Variants in ST3GAL6 observed in about 807,000 individuals in gnomAD.
ST3GAL6 encodes the protein ST3 beta-galactoside alpha-2,3-sialyltransferase 6, also known as type 2 lactosamine alpha-2,3-sialyltransferase.
A neutral mutation model predicts 40.5 loss-of-function variants in ST3GAL6; 31 were observed. The ratio of observed to expected loss-of-function variants is 0.77; its 90% confidence interval spans 0.58 to 1.03. ST3GAL6 has a LOEUF of 1.03. Among genes scored for constraint, ST3GAL6 ranks in the 50% least tolerant of loss-of-function variants. ST3GAL6 has a pLI of 0.00. For missense variants in ST3GAL6, 357 were observed against 393.2 expected (o/e 0.91, Z 0.78); for synonymous variants, 129 against 136.9 (o/e 0.94, Z 0.40).
chr3:98,764,874 A>G lies in ST3GAL6; in HGVS notation c.-12+1435A>G, dbSNP rs201797402. ...TCTAATCAGTTGTTATTCATTGAGC[A>G]TTTACCACGTGCTAGGCATTTAGGG... On this transcript the variant is annotated intron_variant, in intron 1 of 9. Coordinates refer to ENST00000483910, the MANE Select transcript of ST3GAL6 (RefSeq NM_001323368.2). 1.3e-4 allele frequency among the ~76,000 whole-genome samples: 20 copies of G among 152,308 alleles called. 1 individual carries two copies. In the East Asian group the frequency reaches 3.7e-3, roughly 28 times the overall value.
intron 5 of ST3GAL6, among the ~76,000 whole-genome samples, chr3:98,777,624 A>G (rs16846347): frequency 0.18 from 26,748 of 152,140 alleles, 2,549 homozygotes; most frequent in African/African-American, 0.26. Context: ...GTCTTTACCA[A>G]TATTCTGCAT....
At chr3:98,751,367 A>G (rs1219208154) in intron 1 of ST3GAL6, among the ~76,000 whole-genome samples, 1 of 152,188 alleles carries the variant, frequency 6.6e-6, no homozygotes, top group Non-Finnish European at 1.5e-5. Context: ...CATGATCCAT[A>G]ATTTCTTTAG....
At chr3:98,755,316 G>T (rs1937338883) in intron 1 of ST3GAL6, among the ~76,000 whole-genome samples, 1 of 152,138 alleles carries the variant, frequency 6.6e-6, no homozygotes, top group Non-Finnish European at 1.5e-5. Flanking sequence ...ACAGTGCTGG[G>T]ATTACAGGTG....
In ST3GAL6 at chr3:98,751,770, G is replaced by T. The variant is rs139231246; in HGVS notation, c.-11-16660G>T. On this transcript the variant is annotated intron_variant, in intron 1 of 9. Coordinates refer to the ST3GAL6 transcript ENST00000265261. ...CTTTGCTGAAAGTCATAGTTTCCAA[G>T]AACTTATGAACAATAAGTGAGGATT... Among the ~76,000 whole-genome samples, 3 of 152,270 alleles carry T rather than the reference G, an allele frequency of 2.0e-5. No homozygotes were observed. The East Asian group carries it at 5.8e-4, about 29-fold the overall frequency.
At position 98,794,961 on chromosome 3, in the gene ST3GAL6, T is replaced by A. The variant is rs1286307741; in HGVS notation, c.*1200T>A. On this transcript the variant is annotated 3_prime_UTR_variant, in exon 10 of 10. Coordinates refer to ENST00000483910, the MANE Select transcript of ST3GAL6 (RefSeq NM_001323368.2). The stretch of plus-strand genomic sequence containing the variant: ...TAAATGGTACAAAAAGAATATCTCA[T>A]TTTCCCATGATTAAAGCTAATCTTC... 6.6e-6 allele frequency: 1 copy of A among 152,138 alleles called. No individual in the cohort carries two copies. The highest frequency in any genetic ancestry group is 1.5e-5 in the Non-Finnish European group (1 of 68,032). 9.4% of individuals were successfully genotyped at this position (152,138 alleles called of 1,614,324 possible).
At chr3:98,750,820 G>A (rs1684972248) in intron 1 of ST3GAL6, among the ~76,000 whole-genome samples, 1 of 152,114 alleles carries the variant, frequency 6.6e-6, no homozygotes, top group Admixed American at 6.6e-5. Flanking sequence ...CTAGTACTGA[G>A]CTCAAACTTA....
intron 2 of ST3GAL6, 122 bp from the exon 3 acceptor site, chr3:98,770,757 T>C (rs529120981): frequency 4.0e-6 from 3 of 758,138 alleles, no homozygotes; most frequent in South Asian, 3.1e-5. Flanking sequence ...GTGCAGGGAG[T>C]ATTTTTGTTT....
chr3:98,753,573 G>C (rs1301552734), intron 1 of ST3GAL6, among the ~76,000 whole-genome samples: 2 of 152,178 alleles, frequency 1.3e-5, no homozygotes, highest in African/African-American at 4.8e-5. Context: ...GCTTCAAAGG[G>C]CTGGCTCACC....
intron 1 of ST3GAL6, among the ~76,000 whole-genome samples, chr3:98,745,797 A>C (rs1229849058): frequency 6.6e-6 from 1 of 152,198 alleles, no homozygotes; most frequent in Non-Finnish European, 1.5e-5. Flanking sequence ...TATATATTAT[A>C]TATAATGCAC....
chr3:98,792,673 ATTTTT>A (rs11305556), intron 9 of ST3GAL6, among the ~76,000 whole-genome samples: 2 of 132,962 alleles, frequency 1.5e-5, no homozygotes, highest in Admixed American at 7.5e-5. Context: ...CGACCGGCTA[ATTTTT>A]TTTTTTTTTT....
intron 1 of ST3GAL6, among the ~76,000 whole-genome samples, chr3:98,743,921 A>G: frequency 8.0e-6 from 1 of 124,928 alleles, no homozygotes; most frequent in African/African-American, 3.0e-5. Flanking sequence ...GCTCCAAGAG[A>G]TATTTAGAAG....
intron 5 of ST3GAL6, among the ~76,000 whole-genome samples, chr3:98,780,677 C>CT (rs1181088442): frequency 2.6e-5 from 4 of 152,180 alleles, no homozygotes; most frequent in Admixed American, 2.0e-4. Context: ...CTAGACCCCT[C>CT]TTTTTTCTTG....
intron 1 of ST3GAL6, among the ~76,000 whole-genome samples, chr3:98,747,899 G>A (rs1936685758): frequency 6.6e-6 from 1 of 152,152 alleles, no homozygotes; most frequent in Non-Finnish European, 1.5e-5. Flanking sequence ...GAGAGGAATG[G>A]GGGTAGGGAA....
intron 1 of ST3GAL6, among the ~76,000 whole-genome samples, chr3:98,747,644 A>G (rs3821358): frequency 0.28 from 42,485 of 152,096 alleles, 6,326 homozygotes; most frequent in Admixed American, 0.4. Context: ...TATTTGTTTG[A>G]TAGAATAGAG....
chr3:98,786,695 GT>G lies in ST3GAL6; in HGVS notation c.432-1338del, dbSNP rs1216662922. Among the ~76,000 whole-genome samples, 1,480 of 148,478 alleles carry G rather than the reference GT, an allele frequency of 1.0e-2. 38 individuals are homozygous for G. The highest frequency in any genetic ancestry group is 0.052 in the Admixed American group (778 of 14,942). On this transcript the variant is annotated intron_variant, in intron 6 of 9. Coordinates refer to ENST00000483910, the MANE Select transcript of ST3GAL6 (RefSeq NM_001323368.2). Reference sequence around the variant, plus strand: ...GTTATGCAATCAGGGTTTTTTTTTTGTTTGTTTTCTTCTTTTGAAAAGATTG... The same window carrying G: ...GTTATGCAATCAGGGTTTTTTTTTTGTTGTTTTCTTCTTTTGAAAAGATTG...
At chr3:98,735,583 A>G (rs1935473173) in intron 1 of ST3GAL6, among the ~76,000 whole-genome samples, 1 of 152,110 alleles carries the variant, frequency 6.6e-6, no homozygotes, top group Non-Finnish European at 1.5e-5. Flanking sequence ...ATACATTTTC[A>G]CTGAAGCTCC....
intron 1 of ST3GAL6, among the ~76,000 whole-genome samples, chr3:98,735,963 C>G (rs1470288887): frequency 6.6e-6 from 1 of 152,112 alleles, no homozygotes; most frequent in African/African-American, 2.4e-5. Flanking sequence ...AGGAACTTGA[C>G]TGTCGTATAA....
In ST3GAL6 at chr3:98,793,684, C is replaced by A. The variant is rs781393172; in HGVS notation, c.919C>A (p.His307Asn). The A allele has an allele frequency of 3.2e-6, 5 of 1,584,174 alleles. No individual in the cohort carries two copies. The highest frequency in any genetic ancestry group is 4.3e-6 in the Non-Finnish European group (5 of 1,167,406). The part of the protein sequence containing the change: ...TMSLMNKNAY[H>N]NVTAEQLFLK... ...TATTTTTCTTCTTTAGAACGCGTAT[C>A]ACAATGTGACTGCAGAGCAGCTCTT... The change falls in exon 10 of 10, where the codon CAC becomes AAC. Residue 307 changes from histidine to asparagine, a missense_variant. Coordinates refer to ENST00000483910, the MANE Select transcript of ST3GAL6 (RefSeq NM_001323368.2).
intron 5 of ST3GAL6, among the ~76,000 whole-genome samples, chr3:98,779,927 G>A (rs571642556): frequency 6.6e-6 from 1 of 152,276 alleles, no homozygotes; most frequent in South Asian, 2.1e-4. Context: ...GTAGATGGGA[G>A]GATACAGAGA....
Sources: gnomAD v4.1 joint callset for allele counts (sites outside exome capture counted in the v4.1 genomes callset) on GRCh38, gnomAD v4.1.1 for gene constraint, MANE v1.5 for transcripts, NCBI Gene and HGNC (gene_info 2026-07-23, HGNC 2026-07-21) for gene names.